TRMT9B: variants seen among roughly 807,000 people sequenced by gnomAD.
TRMT9B encodes the protein tRNA methyltransferase 9B (putative), also known as probable tRNA methyltransferase 9B.
Under a neutral mutation model 11.5 loss-of-function variants are expected in TRMT9B, and 16 were observed. The observed-to-expected ratio is 1.39, with a 90% CI of 0.94 to 2.11. TRMT9B has a LOEUF of 2.11. Among genes scored for constraint, TRMT9B ranks in the 30% most tolerant of loss-of-function variants. The pLI is 0.00. For missense variants in TRMT9B, 941 were observed against 553.8 expected, an observed-to-expected ratio of 1.70 and a Z score of -7.02; for synonymous variants, 274 against 192.4, an observed-to-expected ratio of 1.42 and a Z score of -3.51.
chr8:12,953,981 C>T (rs890693459), intron 1 of TRMT9B, among the ~76,000 whole-genome samples: 3 of 152,156 alleles, frequency 2.0e-5, no homozygotes, highest in African/African-American at 7.2e-5. Flanking sequence ...ATTCAATTAC[C>T]GTAATGATGT....
At chr8:12,970,212 T>C (rs1452342107) in intron 1 of TRMT9B, 1 of 152,240 alleles carries the variant, frequency 6.6e-6, no homozygotes, top group Non-Finnish European at 1.5e-5. Flanking sequence ...CAAATTTACT[T>C]CGTTAGCTTG....
chr8:12,978,105 G>A (rs1804743879), intron 1 of TRMT9B, among the ~76,000 whole-genome samples: 2 of 152,210 alleles, frequency 1.3e-5, no homozygotes, highest in Non-Finnish European at 1.5e-5. Flanking sequence ...GGAAAGCGAA[G>A]AGAGAAAGCA....
Position 13,006,695 on chromosome 8 carries a change from T to C in TRMT9B, c.154+339T>C, listed in dbSNP as rs1043265707. On this transcript the variant is annotated intron_variant, in intron 3 of 4. Coordinates refer to ENST00000524591, the MANE Select transcript of TRMT9B (RefSeq NM_020844.3). ...TTATTTTTATTCTTTTGAGATGGAG[T>C]TTCACTCTTGTCAACCAGATTGGAG... 2.3e-6 allele frequency: 3 copies of C among 1,305,486 alleles called. No homozygotes were observed. The East Asian group carries it at 8.3e-5, about 36-fold the overall frequency. 80.9% of individuals were successfully genotyped at this position (1,305,486 alleles called of 1,614,324 possible). A position where few individuals can be genotyped will look rare whatever the true frequency, so the allele number is the denominator to read the frequency against.
chr8:12,966,298 A>G (rs934761253), intron 1 of TRMT9B, among the ~76,000 whole-genome samples: 2 of 152,162 alleles, frequency 1.3e-5, no homozygotes, highest in African/African-American at 2.4e-5. Flanking sequence ...GGCGGGGGGA[A>G]GAAATACTCC....
chr8:12,999,265 C>G lies in TRMT9B; in HGVS notation c.-1-6937C>G, dbSNP rs561607565. 2.1e-5 allele frequency among the ~76,000 whole-genome samples: 3 copies of G among 144,206 alleles called. No homozygotes were observed. The Admixed American group carries it at 2.1e-4, about 10-fold the overall frequency. The allele number at this position is 144,206 out of a possible 152,430, so 94.6% of individuals were successfully genotyped here. On this transcript the variant is annotated intron_variant, in intron 2 of 4. Transcript: ENST00000524591. ...AGTGAGCCAAGATCATGCCATCGCA[C>G]TCCAGCCTGGGTGACAGAGGGAGAC...
At chr8:12,960,809 G>A (rs1802005254) in intron 1 of TRMT9B, among the ~76,000 whole-genome samples, 1 of 152,068 alleles carries the variant, frequency 6.6e-6, no homozygotes, top group Admixed American at 6.5e-5. Flanking sequence ...TCGAGTGTGG[G>A]GGTAAGAGAA....
chr8:12,976,879 A>G (rs767215255), intron 1 of TRMT9B, among the ~76,000 whole-genome samples: 3 of 152,140 alleles, frequency 2.0e-5, no homozygotes, highest in Non-Finnish European at 4.4e-5. Flanking sequence ...GGACAAAGCC[A>G]TTGTTCAACC....
At chr8:12,974,096 A>G (rs1804052045) in intron 1 of TRMT9B, among the ~76,000 whole-genome samples, 1 of 152,168 alleles carries the variant, frequency 6.6e-6, no homozygotes, top group Admixed American at 6.5e-5. Context: ...GCTTGAGCCC[A>G]GGAATTCAAG....
rs1814831227 is a variant in TRMT9B at position 13,027,536 on chromosome 8, G to A, written c.*5492G>A. The stretch of plus-strand genomic sequence containing the variant: ...TTCAGGCCCTTCATAAAGTAACTCT[G>A]AATTATTTTTCAGTCTCATTTCCTG... On this transcript the variant is annotated 3_prime_UTR_variant, in exon 5 of 5. Transcript: ENST00000524591. 6.0e-6 allele frequency: 1 copy of A among 166,974 alleles called. No individual in the cohort carries two copies. The highest frequency in any genetic ancestry group is 2.1e-4 in the South Asian group (1 of 4,824). 10.3% of individuals were successfully genotyped at this position (166,974 alleles called of 1,614,324 possible). A position where few individuals can be genotyped will look rare whatever the true frequency, so the allele number is the denominator to read the frequency against.
At chr8:12,965,797 G>A (rs751013683) in intron 1 of TRMT9B, among the ~76,000 whole-genome samples, 1 of 152,086 alleles carries the variant, frequency 6.6e-6, no homozygotes, top group Non-Finnish European at 1.5e-5. Context: ...CAGATTGCAT[G>A]AGCTCAGTAG....
At chr8:12,961,065 C>T (rs1360078198) in intron 1 of TRMT9B, among the ~76,000 whole-genome samples, 2 of 152,022 alleles carry the variant, frequency 1.3e-5, no homozygotes, top group East Asian at 1.9e-4. Context: ...CGCTTGAACC[C>T]GGGAAGTGGA....
chr8:13,020,160 G>A (rs773283428), intron 4 of TRMT9B, among the ~76,000 whole-genome samples: 2 of 152,114 alleles, frequency 1.3e-5, no homozygotes, highest in Admixed American at 6.6e-5. Context: ...TGCCCTCACA[G>A]CTCATATCAA....
Position 12,983,716 on chromosome 8 carries a change from C to G in TRMT9B, c.-199-7118C>G, listed in dbSNP as rs1377697901. On this transcript the variant is annotated intron_variant, in intron 1 of 4. Coordinates refer to ENST00000524591, the MANE Select transcript of TRMT9B (RefSeq NM_020844.3). ...CCCTTCTAGCAGAATGTCTCCTCAT[C>G]CCTAGAGGCCCCTCTTTTTGGTCCC... 2.0e-5 allele frequency among the ~76,000 whole-genome samples: 3 copies of G among 152,120 alleles called. No homozygotes were observed. The East Asian group carries it at 5.8e-4, about 29-fold the overall frequency.
chr8:13,010,848 C>T (rs1030933742), intron 3 of TRMT9B: 4 of 980,676 alleles, frequency 4.1e-6, no homozygotes, highest in African/African-American at 1.8e-5. Flanking sequence ...ATTATATTTT[C>T]CCCATGATTG....
At chr8:13,006,091 G>T in intron 2 of TRMT9B, 111 bp from the exon 3 acceptor site, 1 of 961,246 alleles carries the variant, frequency 1.0e-6, no homozygotes, top group Non-Finnish European at 1.5e-6. Flanking sequence ...TGTGCAAACA[G>T]CATGAGTTTG....
intron 1 of TRMT9B, among the ~76,000 whole-genome samples, chr8:12,976,710 A>C (rs1804512858): frequency 6.6e-6 from 1 of 152,236 alleles, no homozygotes; most frequent in Non-Finnish European, 1.5e-5. Context: ...AGCAAGGTTA[A>C]GAAAACTAAC....
intron 2 of TRMT9B, among the ~76,000 whole-genome samples, chr8:12,993,517 G>C (rs1043451152): frequency 6.6e-6 from 1 of 152,156 alleles, no homozygotes; most frequent in Non-Finnish European, 1.5e-5. Flanking sequence ...GGATAGATGT[G>C]GGGGGTGCAG....
intron 2 of TRMT9B, among the ~76,000 whole-genome samples, chr8:13,001,876 C>G (rs1313288230): frequency 6.6e-6 from 1 of 152,160 alleles, no homozygotes; most frequent in Non-Finnish European, 1.5e-5. Context: ...AATCCAAACC[C>G]TTTATCTCTC....
intron 2 of TRMT9B, among the ~76,000 whole-genome samples, chr8:13,003,586 A>C (rs1439422513): frequency 6.6e-6 from 1 of 152,066 alleles, no homozygotes; most frequent in African/African-American, 2.4e-5. Flanking sequence ...CTGAGGAAAG[A>C]TGGTGAGAAA....
Sources: gnomAD v4.1 joint callset for allele counts (sites outside exome capture counted in the v4.1 genomes callset) on GRCh38, gnomAD v4.1.1 for gene constraint, MANE v1.5 for transcripts, NCBI Gene and HGNC (gene_info 2026-07-23, HGNC 2026-07-21) for gene names.